Variants in GPC5 observed in about 807,000 individuals in gnomAD.
GPC5 encodes the protein glypican 5.
Under a neutral mutation model 53.9 loss-of-function variants are expected in GPC5, and 47 were observed. That is an observed-to-expected ratio of 0.87 (90% CI 0.69 to 1.11). GPC5 has a LOEUF of 1.11. Among genes scored for constraint, GPC5 ranks in the 50% most tolerant of loss-of-function variants. The pLI is 0.00. For missense variants in GPC5, 748 were observed against 713.1 expected (o/e 1.05, Z -0.56); for synonymous variants, 286 against 263.3 (o/e 1.09, Z -0.84).
At chr13:92,565,215 A>G (rs1882826164) in intron 7 of GPC5, among the ~76,000 whole-genome samples, 1 of 152,156 alleles carries the variant, frequency 6.6e-6, no homozygotes, top group South Asian at 2.1e-4. Flanking sequence ...AGAAATCAAC[A>G]CATTTTTACA....
intron 7 of GPC5, among the ~76,000 whole-genome samples, chr13:92,384,398 TTGGACAAAAATTC>T (rs1261264600): frequency 6.6e-6 from 1 of 152,276 alleles, no homozygotes; most frequent in East Asian, 1.9e-4. Context: ...TCCTGCTATG[TTGGACAAAAATTC>T]ACTTTTAAAA....
At position 91,734,174 on chromosome 13, in the gene GPC5, A is replaced by G. The variant is rs1231289836; in HGVS notation, c.1154+5509A>G. ...AACCAGCCTTGCATCCCAGGGATGAAGGTGACTTAATTGTGGTAGATAAGT... is the reference window on the plus strand; with the variant it reads ...AACCAGCCTTGCATCCCAGGGATGAGGGTGACTTAATTGTGGTAGATAAGT... On this transcript the variant is annotated intron_variant, in intron 4 of 7. Transcript: ENST00000377067. 1.3e-5 allele frequency among the ~76,000 whole-genome samples: 2 copies of G among 151,298 alleles called. 1 individual carries two copies. The highest frequency in any genetic ancestry group is 4.9e-5 in the African/African-American group (2 of 40,574).
chr13:92,122,927 C>T lies in GPC5; in HGVS notation c.1402-21903C>T, dbSNP rs560920368. 8.6e-5 allele frequency among the ~76,000 whole-genome samples: 13 copies of T among 152,010 alleles called. 1 individual carries two copies. Among genetic ancestry groups the T allele is most frequent in the African/African-American group, 1.9e-4 (8 of 41,490 alleles). On this transcript the variant is annotated intron_variant, in intron 6 of 7. Transcript: ENST00000377067. ...TGCAAATCATTTGCTTACTATTTTT[C>T]ACACTAAACATACAAAGAATATAGA...
At chr13:92,806,396 C>G (rs1179134014) in intron 7 of GPC5, among the ~76,000 whole-genome samples, 1 of 152,044 alleles carries the variant, frequency 6.6e-6, no homozygotes, top group Admixed American at 6.6e-5. Flanking sequence ...GACAGTTTCA[C>G]TTTCTTTTTG....
intron 7 of GPC5, chr13:92,659,054 A>G (rs1319777048): frequency 7.1e-6 from 1 of 140,412 alleles, no homozygotes; most frequent in Non-Finnish European, 1.5e-5. Context: ...TCAGCCTCCC[A>G]AGTAGCTGGG....
At chr13:91,708,805 G>C (rs1460768606) in intron 3 of GPC5, among the ~76,000 whole-genome samples, 1 of 152,120 alleles carries the variant, frequency 6.6e-6, no homozygotes, top group Non-Finnish European at 1.5e-5. Context: ...TGTTCTTTCT[G>C]TTGGCATACT....
In GPC5 at chr13:91,479,346, A is replaced by G. The variant is rs147451135; in HGVS notation, c.325+30424A>G. ...CTTCATTAAAGGAGTACATTTTTCA[A>G]TGGGAGAAGAGATGCATGTTTGTGG... On this transcript the variant is annotated intron_variant, in intron 2 of 7. Transcript: ENST00000377067. Among the ~76,000 whole-genome samples the G allele has an allele frequency of 1.3e-3, 199 of 152,270 alleles. 2 individuals are homozygous for G. The highest frequency in any genetic ancestry group is 4.6e-3 in the African/African-American group (191 of 41,564).
intron 7 of GPC5, among the ~76,000 whole-genome samples, chr13:92,210,001 T>C (rs2042363543): frequency 6.6e-6 from 1 of 152,104 alleles, no homozygotes; most frequent in Admixed American, 6.6e-5. Flanking sequence ...GCCTAGTCTT[T>C]CCACGTTCTT....
intron 1 of GPC5, among the ~76,000 whole-genome samples, chr13:91,421,336 C>T (rs1878616555): frequency 6.6e-6 from 1 of 151,984 alleles, no homozygotes; most frequent in African/African-American, 2.4e-5. Flanking sequence ...TGCTGACATG[C>T]CTCTTCAGAA....
At chr13:91,422,346 C>G (rs9583924) in intron 1 of GPC5, among the ~76,000 whole-genome samples, 18,254 of 152,074 alleles carry the variant, frequency 0.12, 1,968 homozygotes, top group African/African-American at 0.29. Flanking sequence ...ATAAAGAAAA[C>G]ACATTTAGGC....
At chr13:91,645,236 T>C (rs2034530299) in intron 2 of GPC5, among the ~76,000 whole-genome samples, 2 of 152,164 alleles carry the variant, frequency 1.3e-5, no homozygotes, top group Admixed American at 1.3e-4. Flanking sequence ...TTTCTAACTG[T>C]TTTGTAGTGC....
rs2042652591 is a variant in GPC5 at position 92,246,595 on chromosome 13, A to G, written c.1561+101606A>G. Among the ~76,000 whole-genome samples, 3 of 152,100 alleles carry G rather than the reference A, an allele frequency of 2.0e-5. No individual in the cohort carries two copies. In the South Asian group the frequency reaches 6.2e-4, roughly 31 times the overall value. ...GAAAAACTCATCATCATTTCCTACTATTTCTGAAAAACAACTAATACTTAG... is the reference window on the plus strand; with the variant it reads ...GAAAAACTCATCATCATTTCCTACTGTTTCTGAAAAACAACTAATACTTAG... On this transcript the variant is annotated intron_variant, in intron 7 of 7. Coordinates refer to ENST00000377067, the MANE Select transcript of GPC5 (RefSeq NM_004466.6).
At chr13:92,642,946 C>G (rs1206304224) in intron 7 of GPC5, among the ~76,000 whole-genome samples, 2 of 152,136 alleles carry the variant, frequency 1.3e-5, no homozygotes, top group Non-Finnish European at 2.9e-5. Context: ...CTACAACGGT[C>G]AGTTATATAC....
intron 7 of GPC5, among the ~76,000 whole-genome samples, chr13:92,174,275 G>T (rs570070230): frequency 6.7e-6 from 1 of 150,220 alleles, no homozygotes; most frequent in South Asian, 2.1e-4. Flanking sequence ...TGATTCCAGC[G>T]CTTTGGGAGG....
chr13:91,786,024 T>TGG (rs1465840736), intron 5 of GPC5, among the ~76,000 whole-genome samples: 2 of 152,138 alleles, frequency 1.3e-5, no homozygotes, highest in Non-Finnish European at 2.9e-5. Context: ...TGAGACCAAG[T>TGG]CTCGCTCTGT....
chr13:91,831,426 A>C (rs1196949843), intron 5 of GPC5, among the ~76,000 whole-genome samples: 2 of 152,040 alleles, frequency 1.3e-5, no homozygotes, highest in East Asian at 3.9e-4. Flanking sequence ...GGCAACACTC[A>C]CACAGAAACA....
intron 2 of GPC5, among the ~76,000 whole-genome samples, chr13:91,581,496 A>G (rs1195571294): frequency 6.6e-6 from 1 of 152,176 alleles, no homozygotes; most frequent in Non-Finnish European, 1.5e-5. Context: ...TGCTTTCATT[A>G]TATGGCTGGT....
intron 7 of GPC5, among the ~76,000 whole-genome samples, chr13:92,371,659 T>G (rs2043650746): frequency 6.6e-6 from 1 of 152,096 alleles, no homozygotes; most frequent in Non-Finnish European, 1.5e-5. Context: ...GAAGGAGAAG[T>G]GCTAAGCGAA....
At chr13:92,462,181 G>C (rs746495231) in intron 7 of GPC5, among the ~76,000 whole-genome samples, 1 of 152,160 alleles carries the variant, frequency 6.6e-6, no homozygotes, top group Admixed American at 6.6e-5. Flanking sequence ...GATGTGATCT[G>C]ATTGACATTT....
Sources: gnomAD v4.1 joint callset for allele counts (sites outside exome capture counted in the v4.1 genomes callset) on GRCh38, gnomAD v4.1.1 for gene constraint, MANE v1.5 for transcripts, NCBI Gene and HGNC (gene_info 2026-07-23, HGNC 2026-07-21) for gene names.